Variants in PPP6R3 observed in about 807,000 individuals in gnomAD.
PPP6R3 encodes the protein serine/threonine-protein phosphatase 6 regulatory subunit 3.
A neutral mutation model predicts 110.7 loss-of-function variants in PPP6R3; 38 were observed. That is an observed-to-expected ratio of 0.34 (90% CI 0.26 to 0.45). The LOEUF is 0.45. Ranked by LOEUF, PPP6R3 falls within the 20% of genes least tolerant of loss-of-function variation. PPP6R3 has a pLI of 1.00. For synonymous variants in PPP6R3, 369 were observed against 373.5 expected (o/e 0.99, Z 0.14); for missense variants, 870 against 1,062.4 (o/e 0.82, Z 2.52).
At chr11:68,475,579 G>A (rs1172529683) in intron 1 of PPP6R3, among the ~76,000 whole-genome samples, 9 of 145,452 alleles carry the variant, frequency 6.2e-5, no homozygotes, top group Admixed American at 1.4e-4. Context: ...GCGGCTGGCC[G>A]GGCGGGGGCT....
At chr11:68,510,391 G>A (rs551160443) in intron 1 of PPP6R3, among the ~76,000 whole-genome samples, 1 of 152,158 alleles carries the variant, frequency 6.6e-6, no homozygotes, top group South Asian at 2.1e-4. Flanking sequence ...AGGCTGGAGT[G>A]CTGTGGCGCG....
At chr11:68,543,846 T>C (rs2099331753) in intron 3 of PPP6R3, among the ~76,000 whole-genome samples, 1 of 152,096 alleles carries the variant, frequency 6.6e-6, no homozygotes, top group Admixed American at 6.5e-5. Context: ...GAGATTGTCA[T>C]AGTAGGAGTA....
chr11:68,517,105 C>CT (rs759498554), intron 1 of PPP6R3, among the ~76,000 whole-genome samples: 13 of 148,012 alleles, frequency 8.8e-5, no homozygotes, highest in Middle Eastern at 3.3e-3. Flanking sequence ...TTTTTTTGTT[C>CT]TTTCTTTTTT....
At chr11:68,474,867 C>T (rs1027979692) in intron 1 of PPP6R3, among the ~76,000 whole-genome samples, 2 of 152,046 alleles carry the variant, frequency 1.3e-5, no homozygotes, top group Admixed American at 6.5e-5. Flanking sequence ...TCTTTTGCAT[C>T]TCTATCATAT....
chr11:68,503,221 C>T (rs1489809207), intron 1 of PPP6R3, among the ~76,000 whole-genome samples: 4 of 152,186 alleles, frequency 2.6e-5, no homozygotes, highest in Admixed American at 2.0e-4. Context: ...GGATTACAGG[C>T]GTGAGCCACC....
chr11:68,523,715 C>A (rs1420399045), intron 2 of PPP6R3, among the ~76,000 whole-genome samples: 2 of 141,252 alleles, frequency 1.4e-5, no homozygotes, highest in African/African-American at 2.7e-5. Flanking sequence ...CTGCCCCCCC[C>A]CCCCCCTTTT....
intron 6 of PPP6R3, among the ~76,000 whole-genome samples, chr11:68,553,627 G>A (rs2099389338): frequency 6.6e-6 from 1 of 152,090 alleles, no homozygotes; most frequent in Admixed American, 6.5e-5. Flanking sequence ...AAAAAAGTAT[G>A]TGCATCCTTC....
At chr11:68,496,170 T>C (rs2099014365) in intron 1 of PPP6R3, among the ~76,000 whole-genome samples, 1 of 139,964 alleles carries the variant, frequency 7.1e-6, no homozygotes, top group Non-Finnish European at 1.6e-5. Flanking sequence ...TTTTGTGTTT[T>C]TCTTTTCTTT....
At chr11:68,537,548 T>A (rs1044646197) in intron 2 of PPP6R3, 111 bp from the exon 3 acceptor site, 2 of 696,262 alleles carry the variant, frequency 2.9e-6, no homozygotes, top group African/African-American at 3.6e-5. Flanking sequence ...TTATTTAACT[T>A]ATGTGAGCCA....
In PPP6R3 at chr11:68,614,862, G is replaced by A. The variant is rs780109560; in HGVS notation, c.*1745G>A. The A allele has an allele frequency of 1.0e-5, 10 of 975,494 alleles. No homozygotes were observed. Among genetic ancestry groups the A allele is most frequent in the Admixed American group, 8.0e-5 (4 of 49,862 alleles). 60.4% of individuals were successfully genotyped at this position (975,494 alleles called of 1,614,324 possible). A position where few individuals can be genotyped will look rare whatever the true frequency, so the allele number is the denominator to read the frequency against. On this transcript the variant is annotated 3_prime_UTR_variant, in exon 24 of 24. Transcript: ENST00000393800. ...CCTGACTTGAATGGCGTTGGACCTC[G>A]GGGATTACTGGTAGATAATATGCTC...
At chr11:68,521,546 A>G (rs2153578618) in intron 2 of PPP6R3, among the ~76,000 whole-genome samples, 1 of 152,228 alleles carries the variant, frequency 6.6e-6, no homozygotes, top group East Asian at 1.9e-4. Context: ...GAACCCTTCA[A>G]AGTCTCCAGG....
chr11:68,491,328 CTGTGTGTG>C (rs60972668), intron 1 of PPP6R3, among the ~76,000 whole-genome samples: 3,872 of 123,538 alleles, frequency 0.031, 58 homozygotes, highest in Middle Eastern at 0.046. Flanking sequence ...GTGTCTTCAG[CTGTGTGTG>C]TGTGTGTGTG....
intron 17 of PPP6R3, among the ~76,000 whole-genome samples, 196 bp from the exon 18 acceptor site, chr11:68,591,380 A>T (rs2099594893): frequency 6.6e-6 from 1 of 152,058 alleles, no homozygotes; most frequent in South Asian, 2.1e-4. Context: ...TTTTAGGGAA[A>T]CCCAGTCTTT....
At position 68,519,597 on chromosome 11, in the gene PPP6R3, C is replaced by A; in HGVS notation, c.-61C>A. On this transcript the variant is annotated 5_prime_UTR_variant, in exon 2 of 24. Coordinates refer to ENST00000393800, the MANE Select transcript of PPP6R3 (RefSeq NM_001164161.2). ...TGTTACCAGGATAACCTGTAATGGGCAAGGAGCCACAAAGAAGAAAACATT... is the reference window on the plus strand; with the variant it reads ...TGTTACCAGGATAACCTGTAATGGGAAAGGAGCCACAAAGAAGAAAACATT... 1 of 398,478 alleles carries A rather than the reference C, an allele frequency of 2.5e-6. No individual in the cohort carries two copies. The highest frequency in any genetic ancestry group is 4.4e-6 in the Non-Finnish European group (1 of 226,050). 24.7% of individuals were successfully genotyped at this position (398,478 alleles called of 1,614,324 possible).
At chr11:68,514,391 T>G (rs2099125683) in intron 1 of PPP6R3, among the ~76,000 whole-genome samples, 1 of 149,660 alleles carries the variant, frequency 6.7e-6, no homozygotes, top group Non-Finnish European at 1.5e-5. Context: ...GCATTTTGCT[T>G]TTTTTTTTAA....
At position 68,613,693 on chromosome 11, in the gene PPP6R3, T is replaced by C; in HGVS notation, c.*576T>C. On this transcript the variant is annotated 3_prime_UTR_variant, in exon 24 of 24. Transcript: ENST00000393800. Reference sequence around the variant, plus strand: ...CTTTTTATAACCAGTTTTTGATTGGTAATTGTTTTCTGTATTGTTTAAAAC... The same window carrying C: ...CTTTTTATAACCAGTTTTTGATTGGCAATTGTTTTCTGTATTGTTTAAAAC... 6.1e-6 allele frequency: 6 copies of C among 983,842 alleles called. No individual in the cohort carries two copies. Among genetic ancestry groups the C allele is most frequent in the Non-Finnish European group, 7.2e-6 (6 of 828,072 alleles). The allele number at this position is 983,842 out of a possible 1,614,324, so 60.9% of individuals were successfully genotyped here. A position where few individuals can be genotyped will look rare whatever the true frequency, so the allele number is the denominator to read the frequency against.
intron 19 of PPP6R3, 59 bp downstream of exon 19, chr11:68,596,277 A>G: frequency 6.2e-7 from 1 of 1,606,174 alleles, no homozygotes; most frequent in Non-Finnish European, 8.5e-7. Flanking sequence ...ATTGTGAACA[A>G]TTGGCAAAGG....
chr11:68,488,965 A>G (rs1002564503), intron 1 of PPP6R3: 1 of 151,152 alleles, frequency 6.6e-6, no homozygotes, highest in Non-Finnish European at 1.5e-5. Context: ...CTTTAATGTG[A>G]TTATTGATAT....
chr11:68,583,039 ATAGGT>A lies in PPP6R3; in HGVS notation c.1546-1_1549del. The A allele has an allele frequency of 2.0e-6, 3 of 1,512,290 alleles. No homozygotes were observed. The highest frequency in any genetic ancestry group is 2.7e-6 in the Non-Finnish European group (3 of 1,122,494). The allele number at this position is 1,512,290 out of a possible 1,614,324, so 93.7% of individuals were successfully genotyped here. A position where few individuals can be genotyped will look rare whatever the true frequency, so the allele number is the denominator to read the frequency against. On this transcript the variant is annotated splice_acceptor_variant and splice_polypyrimidine_tract_variant and coding_sequence_variant and intron_variant, in exon 15 of 24. Coordinates refer to ENST00000393800, the MANE Select transcript of PPP6R3 (RefSeq NM_001164161.2). LOFTEE classifies it high-confidence loss of function. ...AATAGTCTTTTACATTTTTATGCAT[ATAGGT>A]TACAACCTGCCATATTCATTCATCC...
Sources: allele counts gnomAD v4.1 joint callset (sites outside exome capture counted in the v4.1 genomes callset), GRCh38; gene constraint gnomAD v4.1.1; transcripts MANE v1.5; gene names NCBI Gene and HGNC (gene_info 2026-07-23, HGNC 2026-07-21).